Variants in LIN54 observed in about 807,000 individuals in gnomAD.
The protein encoded by LIN54 is protein lin-54 homolog.
LIN54 carries 9 observed loss-of-function variants against 78.7 expected under a neutral mutation model. That is an observed-to-expected ratio of 0.11 (90% CI 0.07 to 0.20). The LOEUF is 0.20. Among genes scored for constraint, LIN54 ranks in the 10% least tolerant of loss-of-function variants. The pLI, the probability that LIN54 is intolerant of heterozygous loss-of-function variation, is 1.00. For synonymous variants in LIN54, 269 were observed against 318.4 expected (o/e 0.84, Z 1.65); for missense variants, 573 against 889.9 (o/e 0.64, Z 4.53).
At position 82,946,452 on chromosome 4, in the gene LIN54, G is replaced by A; in HGVS notation, c.974C>T (p.Thr325Ile). 1 of 1,613,404 alleles carries A rather than the reference G, an allele frequency of 6.2e-7. No homozygotes were observed. Among genetic ancestry groups the A allele is most frequent in the South Asian group, 1.1e-5 (1 of 91,072 alleles). ...TGTGCTCACTCCTCCAACAGTGATG[G>A]TCTGCACAGTTGATTTCACTGCCTA... ...PNKAVKSTVQ[T>I]ITVGGVSTSQ... Residue 325 changes from threonine (T) to isoleucine (I), a missense_variant, in exon 5 of 13, where the codon ACC becomes ATC. Coordinates refer to ENST00000340417, the MANE Select transcript of LIN54 (RefSeq NM_194282.4).
At chr4:82,954,139 A>C (rs1372982341) in intron 4 of LIN54, among the ~76,000 whole-genome samples, 1 of 152,212 alleles carries the variant, frequency 6.6e-6, no homozygotes, top group East Asian at 1.9e-4. Flanking sequence ...TGTGACTCAA[A>C]AACTAAAAAT....
chr4:82,927,616 A>C lies in LIN54; in HGVS notation c.*486T>G, dbSNP rs1339714935. ...GCCCTAAAAGGCTGCTTTTTCTTTAAAAGATAGTCCTTTTCTAAATACAAA... is the reference window on the plus strand; with the variant it reads ...GCCCTAAAAGGCTGCTTTTTCTTTACAAGATAGTCCTTTTCTAAATACAAA... On this transcript the variant is annotated 3_prime_UTR_variant, in exon 13 of 13. Coordinates refer to ENST00000340417, the MANE Select transcript of LIN54 (RefSeq NM_194282.4). 1 of 152,982 alleles carries C rather than the reference A, an allele frequency of 6.5e-6. No individual in the cohort carries two copies. The highest frequency in any genetic ancestry group is 1.5e-5 in the Non-Finnish European group (1 of 68,328). The allele number at this position is 152,982 out of a possible 1,614,324, so 9.5% of individuals were successfully genotyped here. A position where few individuals can be genotyped will look rare whatever the true frequency, so the allele number is the denominator to read the frequency against.
intron 4 of LIN54, among the ~76,000 whole-genome samples, chr4:82,949,439 C>A (rs1723674201): frequency 6.6e-6 from 1 of 152,072 alleles, no homozygotes. Context: ...CTCGGTTGCC[C>A]AAGCTAGAGT....
rs73830412 is a variant in LIN54, at chr4:82,980,777, T to C, written c.685-1771A>G. Among the ~76,000 whole-genome samples, 1,202 of 152,268 alleles carry C rather than the reference T, an allele frequency of 7.9e-3. 21 individuals carry two copies. Among genetic ancestry groups the C allele is most frequent in the African/African-American group, 0.028 (1,150 of 41,562 alleles). On this transcript the variant is annotated intron_variant, in intron 2 of 12. Coordinates refer to ENST00000340417, the MANE Select transcript of LIN54 (RefSeq NM_194282.4). ...TATTAACAATCTCTAGAGGTAGAAGTATTAATATTCTTAGAAAGCCATATT... is the reference window on the plus strand; with the variant it reads ...TATTAACAATCTCTAGAGGTAGAAGCATTAATATTCTTAGAAAGCCATATT...
At chr4:82,932,312 G>A (rs1445465453) in intron 11 of LIN54, among the ~76,000 whole-genome samples, 2 of 150,470 alleles carry the variant, frequency 1.3e-5, no homozygotes, top group Non-Finnish European at 3.0e-5. Flanking sequence ...TAGCCAGGAT[G>A]GTCCCGACCT....
intron 12 of LIN54, 86 bp from the exon 13 acceptor site, chr4:82,928,389 C>T: frequency 2.9e-6 from 3 of 1,025,974 alleles, no homozygotes; most frequent in Non-Finnish European, 4.5e-6. Context: ...GAAATCTCTA[C>T]TGACACTTTC....
Position 82,984,755 on chromosome 4 carries a change from C to A in LIN54, c.90G>T (p.Glu30Asp), listed in dbSNP as rs1364998792. ...GITLVDDDSI[E>D]AVIVSSPIPM... ...GAATTGGGGATGAAACAATAACAGC[C>A]TCAATACTATCATCATCCACTAAAG... Residue 30 changes from glutamate (E) to aspartate (D), a missense_variant, in exon 2 of 13, where the codon GAG becomes GAT. By Grantham distance (45) the Glu-to-Asp change is conservative. Transcript: ENST00000340417. 1.9e-6 allele frequency: 3 copies of A among 1,614,030 alleles called. No individual in the cohort carries two copies. The highest frequency in any genetic ancestry group is 2.5e-6 in the Non-Finnish European group (3 of 1,179,950).
chr4:82,931,122 T>C lies in LIN54; in HGVS notation c.1869A>G (p.Ile623Met), dbSNP rs1388345068. The part of the protein sequence containing the change: ...CYEAKIMCSS[I>M]CKCIGCKNFE... ...AATTCTTACAGCCAATACATTTGCA[T>C]ATTGAGGAACACATTATTTTTGCCT... Residue 623 changes from isoleucine to methionine, a missense_variant, in exon 12 of 13, where the codon ATA (isoleucine) becomes ATG (methionine). Transcript: ENST00000340417. 6.2e-7 allele frequency: 1 copy of C among 1,614,036 alleles called. No individual in the cohort carries two copies. The highest frequency in any genetic ancestry group is 1.3e-5 in the African/African-American group (1 of 74,934).
At chr4:82,989,301 G>A (rs1396665682) in intron 1 of LIN54, among the ~76,000 whole-genome samples, 2 of 151,978 alleles carry the variant, frequency 1.3e-5, no homozygotes, top group South Asian at 2.1e-4. Context: ...TAGGGTTTTG[G>A]GACACCAAAG....
rs1265631437 is a variant in LIN54 at position 82,926,564 on chromosome 4, G to T, written c.*1538C>A. 1.3e-5 allele frequency: 2 copies of T among 152,180 alleles called. No individual in the cohort carries two copies. The highest frequency in any genetic ancestry group is 2.9e-5 in the Non-Finnish European group (2 of 68,020). 9.4% of individuals were successfully genotyped at this position (152,180 alleles called of 1,614,324 possible). ...CATATACTAATTACTGATGATTAAGGTACCTAACAAAATGCCTGAATTCCA... is the reference window on the plus strand; with the variant it reads ...CATATACTAATTACTGATGATTAAGTTACCTAACAAAATGCCTGAATTCCA... On this transcript the variant is annotated 3_prime_UTR_variant, in exon 13 of 13. Transcript: ENST00000340417.
intron 1 of LIN54, among the ~76,000 whole-genome samples, chr4:83,001,151 T>C (rs919009818): frequency 6.6e-6 from 1 of 152,124 alleles, no homozygotes; most frequent in African/African-American, 2.4e-5. Context: ...GAAAACTGTG[T>C]CTAGACATTG....
chr4:82,939,719 G>T lies in LIN54; in HGVS notation c.1260C>A (p.Ile420=). 6.2e-7 allele frequency: 1 copy of T among 1,614,144 alleles called. No individual in the cohort carries two copies. The highest frequency in any genetic ancestry group is 1.1e-5 in the South Asian group (1 of 91,084). The change falls in exon 7 of 13, where the codon ATC becomes ATA. Residue 420 remains isoleucine (I), a synonymous_variant. Transcript: ENST00000340417. ...TAGTTACTATTTGTGAAGTTGGATT[G>T]ATTGGTTTTGGAACAACCTAAAAAG... The part of the protein sequence containing the change: ...QAVKQVVPKP[I]NPTSQIVTTS...
intron 3 of LIN54, among the ~76,000 whole-genome samples, chr4:82,975,019 T>C (rs764823423): frequency 2.0e-5 from 3 of 152,156 alleles, no homozygotes; most frequent in Non-Finnish European, 2.9e-5. Flanking sequence ...GATGGTTGTA[T>C]AACAATGTGA....
intron 2 of LIN54, 30 bp downstream of exon 2, chr4:82,984,131 T>G: frequency 6.7e-7 from 1 of 1,488,394 alleles, no homozygotes; most frequent in Non-Finnish European, 9.1e-7. Context: ...AACATGCATT[T>G]TAATTAGTAA....
At chr4:82,982,211 T>C (rs554312574) in intron 2 of LIN54, among the ~76,000 whole-genome samples, 45 of 152,270 alleles carry the variant, frequency 3.0e-4, no homozygotes, top group African/African-American at 1.1e-3. Context: ...TTCTAATTTA[T>C]GATATCTTTT....
chr4:83,006,364 G>A (rs1043138924), intron 1 of LIN54, among the ~76,000 whole-genome samples: 2 of 150,980 alleles, frequency 1.3e-5, no homozygotes, highest in African/African-American at 2.4e-5. Flanking sequence ...CAGGAGAATC[G>A]CTTGGACCTG....
rs934906125 is a variant in LIN54, at chr4:83,010,544, G to A, written c.-93C>T. 4.8e-5 allele frequency: 58 copies of A among 1,204,456 alleles called. 1 individual carries two copies. The East Asian group carries it at 1.9e-3, about 39-fold the overall frequency. 74.6% of individuals were successfully genotyped at this position (1,204,456 alleles called of 1,614,324 possible). A position where few individuals can be genotyped will look rare whatever the true frequency, so the allele number is the denominator to read the frequency against. ...CGAGGTAGGGGCTCCAGAAGGTCCT[G>A]GGCAATCCCGAGCCCCGGCGGGGCT... On this transcript the variant is annotated 5_prime_UTR_variant, in exon 1 of 13. Coordinates refer to ENST00000340417, the MANE Select transcript of LIN54 (RefSeq NM_194282.4).
rs908656064 is a variant in LIN54 at position 82,925,329 on chromosome 4, G to C, written c.*2773C>G. The C allele has an allele frequency of 1.3e-5, 2 of 152,218 alleles. No individual in the cohort carries two copies. Among genetic ancestry groups the C allele is most frequent in the African/African-American group, 4.8e-5 (2 of 41,444 alleles). The allele number at this position is 152,218 out of a possible 1,614,324, so 9.4% of individuals were successfully genotyped here. A position where few individuals can be genotyped will look rare whatever the true frequency, so the allele number is the denominator to read the frequency against. On this transcript the variant is annotated 3_prime_UTR_variant, in exon 13 of 13. Coordinates refer to ENST00000340417, the MANE Select transcript of LIN54 (RefSeq NM_194282.4). ...AGGCTCAGGCCTTCAAAGTAGCGAGGACTGCAGGTGTGCGCCACCACACGC... is the reference window on the plus strand; with the variant it reads ...AGGCTCAGGCCTTCAAAGTAGCGAGCACTGCAGGTGTGCGCCACCACACGC...
At position 82,939,726 on chromosome 4, in the gene LIN54, T is replaced by C; in HGVS notation, c.1253A>G (p.Lys418Arg). Residue 418 changes from lysine (K) to arginine (R), a missense_variant, in exon 7 of 13, where the codon AAA becomes AGA. Coordinates refer to ENST00000340417, the MANE Select transcript of LIN54 (RefSeq NM_194282.4). ...TATTTGTGAAGTTGGATTGATTGGT[T>C]TTGGAACAACCTAAAAAGAAGGGAC... ...SAQAVKQVVP[K>R]PINPTSQIVT... is the part of the protein sequence containing the mutation. 6.2e-7 allele frequency: 1 copy of C among 1,614,158 alleles called. No homozygotes were observed. Among genetic ancestry groups the C allele is most frequent in the Non-Finnish European group, 8.5e-7 (1 of 1,180,004 alleles).
Sources: gnomAD v4.1 joint callset for allele counts (sites outside exome capture counted in the v4.1 genomes callset) on GRCh38, gnomAD v4.1.1 for gene constraint, MANE v1.5 for transcripts, NCBI Gene and HGNC (gene_info 2026-07-23, HGNC 2026-07-21) for gene names.